Variants in AFF1 observed in about 807,000 individuals in gnomAD.
AFF1 encodes the protein ALF transcription elongation factor 1.
In AFF1, 48 loss-of-function variants were observed where a neutral mutation model predicts 121.7. The observed-to-expected ratio is 0.39, with a 90% CI of 0.31 to 0.50. The LOEUF is 0.50. Ranked by LOEUF, AFF1 falls within the 20% of genes least tolerant of loss-of-function variation. AFF1 has a pLI of 0.76. For synonymous variants in AFF1, 613 were observed against 563.0 expected (o/e 1.09, Z -1.26); for missense variants, 1,523 against 1,511.7 (o/e 1.01, Z -0.12).
intron 2 of AFF1, among the ~76,000 whole-genome samples, chr4:86,980,968 A>C (rs1723705463): frequency 6.9e-6 from 1 of 144,220 alleles, no homozygotes; most frequent in Admixed American, 7.2e-5. Context: ...CCACCAAAAA[A>C]AAGGAAAGTA....
chr4:87,007,001 C>T (rs921554717), intron 2 of AFF1: 3 of 1,092,514 alleles, frequency 2.7e-6, no homozygotes, highest in East Asian at 1.0e-4. Context: ...AATTTCTTTT[C>T]CTTTCTAACT....
intron 12 of AFF1, among the ~76,000 whole-genome samples, chr4:87,123,997 C>G (rs2149787677): frequency 6.6e-6 from 1 of 152,312 alleles, no homozygotes; most frequent in Middle Eastern, 3.4e-3. Flanking sequence ...TTACCTGCCA[C>G]CTGCTAGACA....
intron 2 of AFF1, among the ~76,000 whole-genome samples, chr4:87,003,663 G>C (rs889361681): frequency 6.6e-6 from 1 of 152,104 alleles, no homozygotes; most frequent in African/African-American, 2.4e-5. Context: ...CATATTATGA[G>C]TAAGTGCTAT....
intron 4 of AFF1, among the ~76,000 whole-genome samples, chr4:87,058,073 G>A (rs546458469): frequency 2.6e-5 from 4 of 152,210 alleles, no homozygotes; most frequent in African/African-American, 9.6e-5. Flanking sequence ...GCACTTATTT[G>A]TTTCTCTCTT....
intron 2 of AFF1, among the ~76,000 whole-genome samples, chr4:87,018,925 A>G (rs544212325): frequency 6.6e-6 from 1 of 152,354 alleles, no homozygotes; most frequent in Admixed American, 6.5e-5. Flanking sequence ...AAAGGCCCCC[A>G]GGTCAGTGAG....
intron 11 of AFF1, among the ~76,000 whole-genome samples, chr4:87,113,813 C>T (rs1243800878): frequency 6.6e-6 from 1 of 152,084 alleles, no homozygotes; most frequent in Non-Finnish European, 1.5e-5. Context: ...CTGCAGTGAG[C>T]TATTATCATG....
At chr4:86,953,951 T>A (rs1454981764) in intron 2 of AFF1, among the ~76,000 whole-genome samples, 3 of 151,950 alleles carry the variant, frequency 2.0e-5, no homozygotes, top group Non-Finnish European at 2.9e-5. Context: ...CCTTAGGTGA[T>A]CTACCTGCCT....
intron 4 of AFF1, among the ~76,000 whole-genome samples, chr4:87,075,387 C>A (rs554665440): frequency 1.3e-5 from 2 of 151,772 alleles, no homozygotes; most frequent in East Asian, 3.9e-4. Flanking sequence ...CACACGTATT[C>A]AATATGTTAT....
At chr4:87,134,786 A>G in intron 20 of AFF1, 92 bp downstream of exon 20, 1 of 1,111,358 alleles carries the variant, frequency 9.0e-7, no homozygotes, top group Non-Finnish European at 1.3e-6. Flanking sequence ...AGTTTCTTGG[A>G]GAAAAGGGAA....
chr4:87,084,022 C>T (rs751798644), intron 4 of AFF1, 98 bp from the exon 5 acceptor site: 19 of 1,132,826 alleles, frequency 1.7e-5, no homozygotes, highest in Non-Finnish European at 2.4e-5. Context: ...GAAGGTAAGC[C>T]TTGAGATGAG....
chr4:86,990,040 A>AG (rs1277384374), intron 2 of AFF1, among the ~76,000 whole-genome samples: 1 of 152,110 alleles, frequency 6.6e-6, no homozygotes, highest in Non-Finnish European at 1.5e-5. Flanking sequence ...ATGGGAGACT[A>AG]GGGGAGGGAT....
intron 2 of AFF1, among the ~76,000 whole-genome samples, chr4:87,001,073 TATTG>T (rs1489207141): frequency 6.6e-6 from 1 of 152,086 alleles, no homozygotes; most frequent in Non-Finnish European, 1.5e-5. Context: ...TATCTATTAA[TATTG>T]ATTTAACCCC....
chr4:87,126,679 A>G (rs529631540), intron 14 of AFF1, among the ~76,000 whole-genome samples: 19 of 152,274 alleles, frequency 1.2e-4, no homozygotes, highest in African/African-American at 4.1e-4. Context: ...TCTTGGTTAT[A>G]GTGGGGAAAA....
chr4:87,097,645 G>A (rs2149729321), intron 8 of AFF1, among the ~76,000 whole-genome samples: 1 of 152,322 alleles, frequency 6.6e-6, no homozygotes. Context: ...GTGGAAGGGA[G>A]GAGAGGTAAG....
At chr4:86,998,097 T>C (rs1482672610) in intron 2 of AFF1, among the ~76,000 whole-genome samples, 2 of 20,146 alleles carry the variant, frequency 9.9e-5, no homozygotes, top group Non-Finnish European at 1.8e-4. Flanking sequence ...AAACTCCGTC[T>C]CAAAAAAAAA....
At chr4:87,088,871 G>A (rs747047597) in intron 5 of AFF1, among the ~76,000 whole-genome samples, 4 of 152,008 alleles carry the variant, frequency 2.6e-5, no homozygotes, top group Non-Finnish European at 4.4e-5. Flanking sequence ...TCAGCCTCCC[G>A]AGTAGCTGGG....
At chr4:87,132,972 A>G (rs566996088) in intron 19 of AFF1, among the ~76,000 whole-genome samples, 2 of 152,382 alleles carry the variant, frequency 1.3e-5, no homozygotes, top group South Asian at 4.1e-4. Flanking sequence ...GGGATGCCAC[A>G]GGCGTGAGCC....
intron 2 of AFF1, among the ~76,000 whole-genome samples, chr4:87,044,121 A>G (rs1357221465): frequency 2.6e-5 from 4 of 152,092 alleles, no homozygotes; most frequent in Non-Finnish European, 4.4e-5. Context: ...TGGCCTAAGG[A>G]GATAATTATT....
chr4:87,036,364 CTAGCTGT>C (rs1560561083), intron 2 of AFF1, among the ~76,000 whole-genome samples: 1 of 152,180 alleles, frequency 6.6e-6, no homozygotes, highest in Non-Finnish European at 1.5e-5. Flanking sequence ...TTATTAACCC[CTAGCTGT>C]AGATTGCCAG....
Sources: allele counts gnomAD v4.1 joint callset (sites outside exome capture counted in the v4.1 genomes callset), GRCh38; gene constraint gnomAD v4.1.1; transcripts MANE v1.5; gene names NCBI Gene and HGNC (gene_info 2026-07-23, HGNC 2026-07-21).